Variants in CUL1 observed in about 807,000 individuals in gnomAD.
CUL1 encodes the protein cullin 1, also known as cullin-1.
In CUL1, 24 loss-of-function variants were observed where a neutral mutation model predicts 118.0. The observed-to-expected ratio is 0.20, with a 90% CI of 0.15 to 0.29. CUL1 has a LOEUF of 0.29. CUL1 is among the 10% of genes least tolerant of loss of function. The pLI is 1.00. For missense variants in CUL1, 361 were observed against 933.8 expected (o/e 0.39, Z 7.99); for synonymous variants, 332 against 340.4 (o/e 0.98, Z 0.27).
At chr7:148,731,656 C>T (rs1000638730) in intron 2 of CUL1, among the ~76,000 whole-genome samples, 2 of 152,142 alleles carry the variant, frequency 1.3e-5, no homozygotes, top group South Asian at 4.2e-4. Flanking sequence ...CACCCCAAAA[C>T]GACACCTTGT....
intron 9 of CUL1, chr7:148,783,300 C>G: frequency 2.0e-6 from 2 of 983,664 alleles, no homozygotes; most frequent in Non-Finnish European, 2.4e-6. Context: ...CACGCGGATC[C>G]GCGCCTCTGG....
chr7:148,764,027 C>G (rs1438372528), intron 7 of CUL1, among the ~76,000 whole-genome samples: 1 of 152,216 alleles, frequency 6.6e-6, no homozygotes, highest in South Asian at 2.1e-4. Flanking sequence ...AAAGATTTGA[C>G]TGTCTCATGC....
intron 2 of CUL1, among the ~76,000 whole-genome samples, chr7:148,748,747 T>C (rs1052429735): frequency 3.9e-5 from 6 of 152,328 alleles, no homozygotes; most frequent in South Asian, 2.1e-4. Context: ...GCAGAAATTA[T>C]ATACTTGGCA....
At chr7:148,716,479 T>A (rs1479137339) in intron 1 of CUL1, among the ~76,000 whole-genome samples, 1 of 152,168 alleles carries the variant, frequency 6.6e-6, no homozygotes, top group African/African-American at 2.4e-5. Flanking sequence ...AAGATGTAAT[T>A]TTTTGTCCCA....
intron 3 of CUL1, among the ~76,000 whole-genome samples, chr7:148,756,615 G>A (rs1001935321): frequency 2.0e-5 from 3 of 152,098 alleles, no homozygotes; most frequent in African/African-American, 7.2e-5. Flanking sequence ...GAGATTAGAG[G>A]TGTGAGCCAC....
chr7:148,712,369 A>G (rs759206441), intron 1 of CUL1, among the ~76,000 whole-genome samples: 1 of 152,234 alleles, frequency 6.6e-6, no homozygotes, highest in Non-Finnish European at 1.5e-5. Context: ...ACTCTGTCAC[A>G]GCTTAGGCTG....
At chr7:148,714,790 A>T (rs1302385057) in intron 1 of CUL1, among the ~76,000 whole-genome samples, 16 of 152,220 alleles carry the variant, frequency 1.1e-4, no homozygotes, top group Admixed American at 1.0e-3. Context: ...CTTTGAATCC[A>T]GGGTTGCATA....
At chr7:148,742,818 A>G (rs1318466572) in intron 2 of CUL1, among the ~76,000 whole-genome samples, 1 of 151,926 alleles carries the variant, frequency 6.6e-6, no homozygotes, top group African/African-American at 2.4e-5. Flanking sequence ...TGGCCAGGCT[A>G]GTCTCAAACT....
intron 11 of CUL1, among the ~76,000 whole-genome samples, chr7:148,784,998 G>T (rs1800768911): frequency 6.6e-6 from 1 of 152,174 alleles, no homozygotes; most frequent in Admixed American, 6.5e-5. Context: ...TAACCCAGCA[G>T]TACCAAGTCT....
intron 2 of CUL1, among the ~76,000 whole-genome samples, chr7:148,752,513 A>T (rs1799521427): frequency 6.6e-6 from 1 of 151,934 alleles, no homozygotes; most frequent in Admixed American, 6.6e-5. Flanking sequence ...ATTAGTATAT[A>T]TTTATTTTAC....
In CUL1 at chr7:148,800,683, A is replaced by T; in HGVS notation, c.*101A>T. ...ATAGCAGCCAGCCTGCCGCCATTGG[A>T]CCTCCCTTTTAAAAACTGAGACCAA... is the stretch of plus-strand genomic sequence containing the variant. On this transcript the variant is annotated 3_prime_UTR_variant, in exon 22 of 22. Transcript: ENST00000325222. The surrounding 1 kb of genome is among the most constrained non-coding windows in gnomAD (Gnocchi z 4.6). 1.1e-6 allele frequency: 1 copy of T among 887,726 alleles called. No homozygotes were observed. The highest frequency in any genetic ancestry group is 1.8e-6 in the Non-Finnish European group (1 of 560,190). 55.0% of individuals were successfully genotyped at this position (887,726 alleles called of 1,614,324 possible). A position where few individuals can be genotyped will look rare whatever the true frequency, so the allele number is the denominator to read the frequency against.
At chr7:148,715,789 T>C (rs73465487) in intron 1 of CUL1, among the ~76,000 whole-genome samples, 1,600 of 152,336 alleles carry the variant, frequency 0.011, 26 homozygotes, top group African/African-American at 0.037. Flanking sequence ...TCAACTTATC[T>C]AAAATTAAGC....
chr7:148,781,008 C>T (rs1800608632), intron 9 of CUL1, among the ~76,000 whole-genome samples: 1 of 149,504 alleles, frequency 6.7e-6, no homozygotes, highest in South Asian at 2.1e-4. Context: ...AGTGTGTTGT[C>T]TGCTTCTTGA....
chr7:148,710,006 C>T (rs1003614043), intron 1 of CUL1, among the ~76,000 whole-genome samples: 4 of 151,936 alleles, frequency 2.6e-5, no homozygotes, highest in African/African-American at 9.7e-5. Flanking sequence ...TCGCTTGAGC[C>T]CTAGAGGGAG....
At chr7:148,726,926 C>T (rs2129459507) in intron 1 of CUL1, among the ~76,000 whole-genome samples, 1 of 152,032 alleles carries the variant, frequency 6.6e-6, no homozygotes, top group East Asian at 1.9e-4. Context: ...GTGGAAGGAT[C>T]ACCTGAGCCC....
rs1801337214 is a variant in CUL1, at chr7:148,800,140, C to G, written c.2251-362C>G. 6.6e-6 allele frequency among the ~76,000 whole-genome samples: 1 copy of G among 152,302 alleles called. No individual in the cohort carries two copies. Among genetic ancestry groups the G allele is most frequent in the Admixed American group, 6.5e-5 (1 of 15,308 alleles). ...GGCTGTTCAGGGAGTTCCCCACAGT[C>G]CCCTGTTCCCTGTTCATGGCCTCTT... On this transcript the variant is annotated intron_variant, in intron 21 of 21. Coordinates refer to ENST00000325222, the MANE Select transcript of CUL1 (RefSeq NM_003592.3). This position sits in a 1 kb window ranked among gnomAD's most constrained non-coding sequence, Gnocchi z 4.6.
At chr7:148,743,355 C>T (rs1799206301) in intron 2 of CUL1, among the ~76,000 whole-genome samples, 1 of 152,198 alleles carries the variant, frequency 6.6e-6, no homozygotes, top group Non-Finnish European at 1.5e-5. Flanking sequence ...TGGTAGCTTG[C>T]ATCTGCCATG....
At chr7:148,705,861 C>T (rs1301002900) in intron 1 of CUL1, among the ~76,000 whole-genome samples, 1 of 152,102 alleles carries the variant, frequency 6.6e-6, no homozygotes, top group South Asian at 2.1e-4. Flanking sequence ...CTTCTGACTT[C>T]TCTCATTTTA....
intron 1 of CUL1, among the ~76,000 whole-genome samples, chr7:148,726,592 G>A (rs912786988): frequency 2.0e-5 from 3 of 151,932 alleles, no homozygotes; most frequent in East Asian, 1.9e-4. Flanking sequence ...CTTTAAAAAC[G>A]GAAGAACCTA....
Sources: allele counts gnomAD v4.1 joint callset (sites outside exome capture counted in the v4.1 genomes callset), GRCh38; gene constraint gnomAD v4.1.1; non-coding constraint Gnocchi (gnomAD v3.1); transcripts MANE v1.5; gene names NCBI Gene and HGNC (gene_info 2026-07-23, HGNC 2026-07-21).